TANGO6: variants seen among roughly 807,000 people sequenced by gnomAD.
The protein encoded by TANGO6 is transport and Golgi organization protein 6 homolog.
In TANGO6, 90 loss-of-function variants were observed where a neutral mutation model predicts 114.2. The ratio of observed to expected loss-of-function variants is 0.79; its 90% CI spans 0.66 to 0.94. TANGO6 has a LOEUF of 0.94. TANGO6 is among the 40% of genes least tolerant of loss of function. TANGO6 has a pLI of 0.00. For missense variants in TANGO6, 1,274 were observed against 1,315.3 expected (o/e 0.97, Z 0.49); for synonymous variants, 477 against 509.8 (o/e 0.94, Z 0.87).
chr16:68,990,678 A>T (rs1406895487), intron 15 of TANGO6, among the ~76,000 whole-genome samples: 1 of 152,158 alleles, frequency 6.6e-6, no homozygotes, highest in Non-Finnish European at 1.5e-5. Flanking sequence ...AAGTGCTGAG[A>T]TTATAGGCAT....
At chr16:68,922,949 T>TTG (rs1963115818) in intron 12 of TANGO6, among the ~76,000 whole-genome samples, 1 of 139,548 alleles carries the variant, frequency 7.2e-6, no homozygotes, top group South Asian at 2.5e-4. Flanking sequence ...GTTTTTTTTT[T>TTG]TTTTTTTTTT....
chr16:68,883,666 A>T (rs547352377), intron 7 of TANGO6, among the ~76,000 whole-genome samples: 1 of 152,152 alleles, frequency 6.6e-6, no homozygotes, highest in Non-Finnish European at 1.5e-5. Context: ...TCTCTTTGGT[A>T]TATACCTAGG....
intron 1 of TANGO6, among the ~76,000 whole-genome samples, chr16:68,854,436 C>T (rs1961953018): frequency 6.6e-6 from 1 of 151,824 alleles, no homozygotes; most frequent in African/African-American, 2.4e-5. Context: ...CAGAGCAAGA[C>T]CCTGTTGCAA....
At chr16:69,047,579 A>G (rs576735211) in intron 17 of TANGO6, among the ~76,000 whole-genome samples, 9 of 152,306 alleles carry the variant, frequency 5.9e-5, no homozygotes, top group Admixed American at 5.2e-4. Flanking sequence ...ATATCTGCTA[A>G]TGCAGCACTC....
chr16:69,063,768 G>A (rs1960167665), intron 17 of TANGO6, among the ~76,000 whole-genome samples: 1 of 139,298 alleles, frequency 7.2e-6, no homozygotes, highest in South Asian at 2.2e-4. Flanking sequence ...ACTCTGGGCA[G>A]CGTAGCCATA....
At chr16:69,066,292 GTTTA>G (rs576314226) in intron 17 of TANGO6, among the ~76,000 whole-genome samples, 70 of 150,110 alleles carry the variant, frequency 4.7e-4, no homozygotes, top group Non-Finnish European at 9.3e-4. Context: ...TCATTCATTT[GTTTA>G]TTTATTTATT....
At position 69,083,713 on chromosome 16, in the gene TANGO6, G is replaced by A. The variant is rs539218534; in HGVS notation, c.*52G>A. ...CAGGCAGGGCCAGGCACCCAGAGCC[G>A]TGCCCAGGTCTTCCAGCAGGTGGCC... On this transcript the variant is annotated 3_prime_UTR_variant, in exon 18 of 18. Coordinates refer to ENST00000261778, the MANE Select transcript of TANGO6 (RefSeq NM_024562.2). 70 of 1,516,750 alleles carry A rather than the reference G, an allele frequency of 4.6e-5. No individual in the cohort carries two copies. The highest frequency in any genetic ancestry group is 1.5e-4 in the South Asian group (12 of 79,078). 94.0% of individuals were successfully genotyped at this position (1,516,750 alleles called of 1,614,324 possible).
intron 17 of TANGO6, among the ~76,000 whole-genome samples, chr16:69,071,820 G>A (rs1434932639): frequency 6.6e-6 from 1 of 152,214 alleles, no homozygotes; most frequent in African/African-American, 2.4e-5. Flanking sequence ...GTCAAACACT[G>A]TCTTCCTGCT....
In TANGO6 at chr16:68,937,005, G is replaced by A. The variant is rs1245203135; in HGVS notation, c.2701+6710G>A. ...AGGGAAGGCAAAAGCCCGGAAGGGG[G>A]AAGGTAGATACAAGATGAAATTGTT... On this transcript the variant is annotated intron_variant, in intron 14 of 17. Coordinates refer to ENST00000261778, the MANE Select transcript of TANGO6 (RefSeq NM_024562.2). 2.6e-5 allele frequency among the ~76,000 whole-genome samples: 4 copies of A among 152,174 alleles called. No individual in the cohort carries two copies. In the East Asian group the frequency reaches 7.7e-4, roughly 29 times the overall value.
chr16:68,978,149 G>A (rs1438699000), intron 15 of TANGO6, among the ~76,000 whole-genome samples: 1 of 152,154 alleles, frequency 6.6e-6, no homozygotes, highest in Admixed American at 6.5e-5. Flanking sequence ...GATTATCAGA[G>A]CTGAGAAGAA....
chr16:68,932,272 T>C (rs571485720), intron 14 of TANGO6, among the ~76,000 whole-genome samples: 1 of 152,164 alleles, frequency 6.6e-6, no homozygotes, highest in South Asian at 2.1e-4. Context: ...GTATTTTTAG[T>C]AGAGACGGGG....
intron 7 of TANGO6, 56 bp downstream of exon 7, chr16:68,880,686 A>G: frequency 7.2e-7 from 1 of 1,381,118 alleles, no homozygotes; most frequent in Non-Finnish European, 9.7e-7. Flanking sequence ...AATTTTTTTT[A>G]AATTTTTTCT....
intron 7 of TANGO6, among the ~76,000 whole-genome samples, chr16:68,887,616 C>A (rs1188765256): frequency 6.6e-6 from 1 of 152,124 alleles, no homozygotes; most frequent in Non-Finnish European, 1.5e-5. Context: ...GTGGCTCATG[C>A]CTATAATCCC....
chr16:69,069,163 T>G (rs1376078014), intron 17 of TANGO6, among the ~76,000 whole-genome samples: 4 of 152,264 alleles, frequency 2.6e-5, no homozygotes, highest in South Asian at 4.1e-4. Context: ...AGCTCTAGGG[T>G]CCACTTCACT....
At chr16:68,907,046 C>T (rs559197347) in intron 9 of TANGO6, among the ~76,000 whole-genome samples, 17 of 151,224 alleles carry the variant, frequency 1.1e-4, no homozygotes, top group African/African-American at 2.7e-4. Flanking sequence ...CCACCCGCCT[C>T]GGCTTCCCAA....
Position 69,054,056 on chromosome 16 carries a change from C to G in TANGO6, c.3108+13635C>G, listed in dbSNP as rs141898732. 6.4e-3 allele frequency among the ~76,000 whole-genome samples: 978 copies of G among 152,056 alleles called. 7 individuals are homozygous for G. Among genetic ancestry groups the G allele is most frequent in the African/African-American group, 0.02 (836 of 41,456 alleles). On this transcript the variant is annotated intron_variant, in intron 17 of 17. Coordinates refer to ENST00000261778, the MANE Select transcript of TANGO6 (RefSeq NM_024562.2). ...CTCCAGCCTGGGCAACAGAGCAAGA[C>G]TCTGTCTCAAAAGAAAAAAAAAAGA...
At chr16:68,925,050 C>A (rs1194233398) in intron 12 of TANGO6, among the ~76,000 whole-genome samples, 1 of 152,044 alleles carries the variant, frequency 6.6e-6, no homozygotes, top group African/African-American at 2.4e-5. Context: ...GTGGCTCACG[C>A]CTGTAATCCC....
intron 3 of TANGO6, among the ~76,000 whole-genome samples, chr16:68,864,314 C>T (rs1027472797): frequency 3.3e-5 from 5 of 152,118 alleles, no homozygotes; most frequent in African/African-American, 1.2e-4. Flanking sequence ...TGGCTCACAC[C>T]TGTAAACCCA....
intron 17 of TANGO6, among the ~76,000 whole-genome samples, chr16:69,077,255 T>TA (rs779708525): frequency 3.5e-4 from 53 of 151,920 alleles, no homozygotes; most frequent in Non-Finnish European, 5.4e-4. Context: ...GAGGTCCTGC[T>TA]ATGTTACCCA....
Sources: allele counts gnomAD v4.1 joint callset (sites outside exome capture counted in the v4.1 genomes callset), GRCh38; gene constraint gnomAD v4.1.1; transcripts MANE v1.5; gene names NCBI Gene and HGNC (gene_info 2026-07-23, HGNC 2026-07-21).